The following RAB10 variants were observed in gnomAD, a reference collection of about 807,000 sequenced individuals.
RAB10 encodes ras-related protein Rab-10.
A neutral mutation model predicts 25.7 loss-of-function variants in RAB10; 5 were observed. The ratio of observed to expected loss-of-function variants is 0.19; its 90% CI spans 0.10 to 0.41. The LOEUF (loss-of-function observed/expected upper bound fraction) is 0.41. RAB10 is among the 10% of genes least tolerant of loss of function. RAB10 has a pLI of 1.00. For missense variants in RAB10, 103 were observed against 245.8 expected, an observed-to-expected ratio of 0.42 and a Z score of 3.89; for synonymous variants, 89 against 86.4, an observed-to-expected ratio of 1.03 and a Z score of -0.16.
intron 3 of RAB10, among the ~76,000 whole-genome samples, chr2:26,116,547 T>C (rs1005084331): frequency 9.1e-6 from 1 of 109,538 alleles, no homozygotes; most frequent in East Asian, 2.6e-4. Context: ...TTCTGTCTTG[T>C]GTTTTTTTTT....
intron 3 of RAB10, among the ~76,000 whole-genome samples, chr2:26,117,484 G>A (rs1481387511): frequency 3.9e-5 from 6 of 151,930 alleles, no homozygotes; most frequent in African/African-American, 9.7e-5. Flanking sequence ...GCATGGTGGC[G>A]GGTGCCTGTA....
At chr2:26,119,401 CCT>C (rs1251560887) in intron 3 of RAB10, among the ~76,000 whole-genome samples, 1 of 151,622 alleles carries the variant, frequency 6.6e-6, no homozygotes, top group Non-Finnish European at 1.5e-5. Flanking sequence ...ACAGCGAGAC[CCT>C]GTCTCAAAAA....
chr2:26,127,995 T>C, intron 5 of RAB10, 44 bp downstream of exon 5: 1 of 1,447,850 alleles, frequency 6.9e-7, no homozygotes, highest in South Asian at 1.1e-5. Flanking sequence ...TGAGTATCTC[T>C]GTTGAATATT....
chr2:26,042,357 T>A (rs1442017220), intron 1 of RAB10, among the ~76,000 whole-genome samples: 2 of 152,112 alleles, frequency 1.3e-5, no homozygotes, highest in Admixed American at 1.3e-4. Context: ...TTGATTAGGC[T>A]GGGTGCTGTG....
In RAB10 at chr2:26,034,464, C is replaced by G; in HGVS notation, c.-145C>G. ...CTGTCGGGGCTTCCTCAAAGCTGTT[C>G]GTAGGTCGCCCGCGCCGTCTCGAGC... is the stretch of plus-strand genomic sequence containing the variant. On this transcript the variant is annotated 5_prime_UTR_variant, in exon 1 of 6. Coordinates refer to ENST00000264710, the MANE Select transcript of RAB10 (RefSeq NM_016131.5). 9.0e-7 allele frequency: 1 copy of G among 1,109,280 alleles called. No individual in the cohort carries two copies. Among genetic ancestry groups the G allele is most frequent in the Non-Finnish European group, 1.3e-6 (1 of 789,960 alleles). 68.7% of individuals were successfully genotyped at this position (1,109,280 alleles called of 1,614,324 possible).
chr2:26,114,161 T>A (rs935678235), intron 3 of RAB10, among the ~76,000 whole-genome samples: 2 of 152,172 alleles, frequency 1.3e-5, no homozygotes, highest in Non-Finnish European at 2.9e-5. Flanking sequence ...CCCAAAGTGA[T>A]CTACAGATTT....
intron 3 of RAB10, among the ~76,000 whole-genome samples, chr2:26,120,498 T>G (rs1379398414): frequency 6.6e-6 from 1 of 152,236 alleles, no homozygotes; most frequent in African/African-American, 2.4e-5. Context: ...TGCTTATTAC[T>G]GGATATTTGC....
intron 5 of RAB10, among the ~76,000 whole-genome samples, chr2:26,130,080 A>G (rs1254813228): frequency 6.6e-6 from 1 of 152,216 alleles, no homozygotes; most frequent in African/African-American, 2.4e-5. Flanking sequence ...ATCATAGGGC[A>G]GATTCATTTA....
intron 1 of RAB10, among the ~76,000 whole-genome samples, chr2:26,054,683 C>T (rs940889023): frequency 6.6e-6 from 1 of 152,128 alleles, no homozygotes; most frequent in Non-Finnish European, 1.5e-5. Flanking sequence ...AAATTTCTAA[C>T]CTGCAGGAAA....
At chr2:26,101,622 A>AGCT (rs1559593377) in intron 2 of RAB10, 1 of 152,298 alleles carries the variant, frequency 6.6e-6, no homozygotes, top group Non-Finnish European at 1.5e-5. Flanking sequence ...ACCAGCACAG[A>AGCT]GCTGCAGTGG....
At chr2:26,116,111 C>T (rs1334950895) in intron 3 of RAB10, among the ~76,000 whole-genome samples, 1 of 152,118 alleles carries the variant, frequency 6.6e-6, no homozygotes, top group African/African-American at 2.4e-5. Context: ...TCGTGATCTA[C>T]CTGTCTTGGC....
intron 1 of RAB10, among the ~76,000 whole-genome samples, chr2:26,068,311 G>C (rs185304971): frequency 6.6e-6 from 1 of 152,194 alleles, no homozygotes; most frequent in Admixed American, 6.5e-5. Flanking sequence ...GAGCCTGGTA[G>C]TCCATGCTAA....
chr2:26,055,158 C>T (rs558100202), intron 1 of RAB10, among the ~76,000 whole-genome samples: 3 of 152,030 alleles, frequency 2.0e-5, no homozygotes, highest in South Asian at 4.2e-4. Context: ...GTGTAGTATA[C>T]AGTTGGTGGC....
At chr2:26,122,348 G>T (rs569571667) in intron 3 of RAB10, among the ~76,000 whole-genome samples, 14 of 152,246 alleles carry the variant, frequency 9.2e-5, no homozygotes, top group African/African-American at 3.4e-4. Flanking sequence ...ATACTTGTAG[G>T]CTGGGCGCGG....
intron 3 of RAB10, among the ~76,000 whole-genome samples, chr2:26,111,606 C>CAAA (rs11347877): frequency 7.9e-5 from 11 of 139,744 alleles, no homozygotes; most frequent in African/African-American, 2.9e-4. Context: ...AACTCCATCT[C>CAAA]AAAAAAAAAA....
chr2:26,087,568 A>G (rs1667014053), intron 1 of RAB10, among the ~76,000 whole-genome samples: 1 of 151,912 alleles, frequency 6.6e-6, no homozygotes, highest in Non-Finnish European at 1.5e-5. Context: ...ATGCCCAGCT[A>G]ATTTTTGTAT....
chr2:26,126,867 T>C (rs562325818), intron 3 of RAB10, among the ~76,000 whole-genome samples: 119 of 152,344 alleles, frequency 7.8e-4, no homozygotes, highest in South Asian at 2.3e-3. Context: ...GCTTGTATCT[T>C]CTCTTTTGGT....
chr2:26,070,291 TG>T lies in RAB10; in HGVS notation c.128-28369del, dbSNP rs140480405. On this transcript the variant is annotated intron_variant, in intron 1 of 5. Transcript: ENST00000264710. ...ATATGCTTGAGAGCTCAAAAGGAAA[TG>T]GTGGGAAAAGACTAGATTAAATCAA... 6.2e-3 allele frequency among the ~76,000 whole-genome samples: 943 copies of T among 152,296 alleles called. 12 individuals carry two copies. The highest frequency in any genetic ancestry group is 0.021 in the African/African-American group (881 of 41,548).
intron 1 of RAB10, among the ~76,000 whole-genome samples, chr2:26,095,583 G>C (rs1212224066): frequency 6.6e-6 from 1 of 151,954 alleles, no homozygotes; most frequent in Non-Finnish European, 1.5e-5. Context: ...CTCCAGCCTG[G>C]GCGACAGAGC....
Sources: gnomAD v4.1 joint callset for allele counts (sites outside exome capture counted in the v4.1 genomes callset) on GRCh38, gnomAD v4.1.1 for gene constraint, MANE v1.5 for transcripts, NCBI Gene and HGNC (gene_info 2026-07-23, HGNC 2026-07-21) for gene names.